Variants in ZNF559 observed in about 807,000 individuals in gnomAD.
ZNF559 encodes the protein zinc finger protein 559.
Under a neutral mutation model 14.2 loss-of-function variants are expected in ZNF559, and 17 were observed. The observed-to-expected ratio is 1.20, with a 90% confidence interval of 0.82 to 1.80. The LOEUF is 1.80. Ranked by LOEUF, ZNF559 falls within the 40% of genes most tolerant of loss-of-function variation. ZNF559 has a pLI of 0.00. For missense variants in ZNF559, 740 were observed against 629.7 expected (o/e 1.18, Z -1.88); for synonymous variants, 244 against 212.4 (o/e 1.15, Z -1.29).
Position 9,343,551 on chromosome 19 carries a change from A to C in ZNF559, c.*483A>C. Reference sequence around the variant, plus strand: ...TGATCTCACAAGTGTGAAAAATCTTATGAATGTAAAATGTGTGGAGATTCT... The same window carrying C: ...TGATCTCACAAGTGTGAAAAATCTTCTGAATGTAAAATGTGTGGAGATTCT... On this transcript the variant is annotated 3_prime_UTR_variant, in exon 7 of 7. Transcript: ENST00000603380. 2.0e-6 allele frequency: 2 copies of C among 992,422 alleles called. No homozygotes were observed. The highest frequency in any genetic ancestry group is 2.4e-6 in the Non-Finnish European group (2 of 833,440). The allele number at this position is 992,422 out of a possible 1,614,324, so 61.5% of individuals were successfully genotyped here. A position where few individuals can be genotyped will look rare whatever the true frequency, so the allele number is the denominator to read the frequency against.
intron 2 of ZNF559, among the ~76,000 whole-genome samples, chr19:9,334,122 T>C (rs2067094965): frequency 6.6e-6 from 1 of 152,220 alleles, no homozygotes; most frequent in South Asian, 2.1e-4. Context: ...AATGCGACCA[T>C]ATAACATCAT....
chr19:9,341,514 C>T, intron 6 of ZNF559, 181 bp from the exon 7 acceptor site: 1 of 1,137,240 alleles, frequency 8.8e-7, no homozygotes, highest in Non-Finnish European at 1.3e-6. Flanking sequence ...CCTGCAGTCA[C>T]TTTGTTCCAC....
intron 2 of ZNF559, among the ~76,000 whole-genome samples, chr19:9,329,840 T>A (rs534032343): frequency 6.6e-6 from 1 of 152,264 alleles, no homozygotes; most frequent in African/African-American, 2.4e-5. Flanking sequence ...ATTTTTGTAT[T>A]TTTAGTAGAA....
In ZNF559 at chr19:9,324,785, G is replaced by A. The variant is rs749345290; in HGVS notation, c.-120+5G>A. 21 of 1,535,334 alleles carry A rather than the reference G, an allele frequency of 1.4e-5. No individual in the cohort carries two copies. Among genetic ancestry groups the A allele is most frequent in the Non-Finnish European group, 1.7e-5 (20 of 1,146,408 alleles). ...TGACAATTCTGTCGTGTCCCGGTGA[G>A]CACTTCATGCACTTGTTCTGGCTGT... is the stretch of plus-strand genomic sequence containing the variant. On this transcript the variant is annotated splice_donor_5th_base_variant and intron_variant, in intron 2 of 6. Coordinates refer to ENST00000603380, the MANE Select transcript of ZNF559 (RefSeq NM_032497.3).
intron 2 of ZNF559, among the ~76,000 whole-genome samples, chr19:9,330,426 C>T (rs1034806607): frequency 2.0e-5 from 3 of 152,012 alleles, no homozygotes; most frequent in Admixed American, 6.6e-5. Context: ...CTCTCTGCTC[C>T]CTCTGTAACT....
chr19:9,335,732 A>G (rs959331433), intron 2 of ZNF559, among the ~76,000 whole-genome samples: 2 of 152,088 alleles, frequency 1.3e-5, no homozygotes, highest in Admixed American at 6.6e-5. Flanking sequence ...ACGGGGTTTT[A>G]CCATGTTGCC....
At position 9,341,964 on chromosome 19, in the gene ZNF559, A is replaced by C; in HGVS notation, c.513A>C (p.Leu171=). 1 of 1,613,794 alleles carries C rather than the reference A, an allele frequency of 6.2e-7. No homozygotes were observed. The highest frequency in any genetic ancestry group is 8.5e-7 in the Non-Finnish European group (1 of 1,179,916). The change falls in exon 7 of 7, where the codon CTA becomes CTC. Residue 171 remains leucine, a synonymous_variant. Transcript: ENST00000603380. ...TTTGCAAGAAAACTAGCCAAAATCT[A>C]CATCTTGTTTGCAAGAAAACTCACA... ...HLVCKKTSQN[L]HLVCKKTHTQ... is the part of the protein sequence containing the mutation.
chr19:9,335,009 G>A (rs1192900276), intron 2 of ZNF559, among the ~76,000 whole-genome samples: 3 of 152,022 alleles, frequency 2.0e-5, no homozygotes, highest in South Asian at 2.1e-4. Flanking sequence ...GGTGGTGGGC[G>A]CCTGTAGTCC....
rs780052397 is a variant in ZNF559 at position 9,339,305 on chromosome 19, A to G, written c.146A>G (p.Asn49Ser). ...YRDVMLENYK[N>S]LVAVDWESHI... ...GATGTGATGCTGGAGAACTATAAGA[A>G]TCTAGTTGCAGTAGGTAAGGCTGGT... The change falls in exon 5 of 7, where the codon AAT (asparagine) becomes AGT (serine). Residue 49 changes from asparagine to serine, a missense_variant. Transcript: ENST00000603380. 1 of 1,612,992 alleles carries G rather than the reference A, an allele frequency of 6.2e-7. No homozygotes were observed. The highest frequency in any genetic ancestry group is 2.2e-5 in the East Asian group (1 of 44,838).
At position 9,338,101 on chromosome 19, in the gene ZNF559, A is replaced by T. The variant is rs1309396442; in HGVS notation, c.-57+243A>T. Reference sequence around the variant, plus strand: ...TCTTGTGATTAGGGTTTAGGGTCTAAGTGGCCCTGCTTTTGAGATACCTAG... The same window carrying T: ...TCTTGTGATTAGGGTTTAGGGTCTATGTGGCCCTGCTTTTGAGATACCTAG... On this transcript the variant is annotated intron_variant, in intron 3 of 6. Coordinates refer to ENST00000603380, the MANE Select transcript of ZNF559 (RefSeq NM_032497.3). 1.4e-5 allele frequency: 17 copies of T among 1,240,158 alleles called. No homozygotes were observed. In the East Asian group the frequency reaches 4.3e-4, roughly 31 times the overall value. 76.8% of individuals were successfully genotyped at this position (1,240,158 alleles called of 1,614,324 possible). A position where few individuals can be genotyped will look rare whatever the true frequency, so the allele number is the denominator to read the frequency against.
chr19:9,344,288 AACTT>A lies in ZNF559; in HGVS notation c.*1222_*1225del, dbSNP rs1027875402. The A allele has an allele frequency of 6.6e-6, 1 of 152,076 alleles. No individual in the cohort carries two copies. Among genetic ancestry groups the A allele is most frequent in the African/African-American group, 2.4e-5 (1 of 41,410 alleles). The allele number at this position is 152,076 out of a possible 1,614,324, so 9.4% of individuals were successfully genotyped here. The stretch of plus-strand genomic sequence containing the variant: ...ATCCTCAGAGGGTTTTTTAATGAAA[AACTT>A]AGTTATAGGGAATTGAGGAACATTT... On this transcript the variant is annotated 3_prime_UTR_variant, in exon 7 of 7. Coordinates refer to ENST00000603380, the MANE Select transcript of ZNF559 (RefSeq NM_032497.3).
chr19:9,324,919 T>C (rs1176905307), intron 2 of ZNF559, 139 bp downstream of exon 2: 1 of 696,280 alleles, frequency 1.4e-6, no homozygotes, highest in Non-Finnish European at 2.4e-6. Context: ...AGTGGATGAA[T>C]GCACATAACT....
chr19:9,338,699 T>A (rs2067374285), intron 4 of ZNF559, 117 bp downstream of exon 4: 1 of 746,214 alleles, frequency 1.3e-6, no homozygotes, highest in South Asian at 1.7e-5. Flanking sequence ...AGGGACCACA[T>A]CTCTCATCAA....
rs929229046 is a variant in ZNF559, at chr19:9,335,319, C to G, written c.-119-2477C>G. The stretch of plus-strand genomic sequence containing the variant: ...CTCTGCCAAAAAAATTTTTAATTGG[C>G]CGGGTGTGGTGGTGGCTTTTGCCTG... On this transcript the variant is annotated intron_variant, in intron 2 of 6. Coordinates refer to ENST00000603380, the MANE Select transcript of ZNF559 (RefSeq NM_032497.3). Among the ~76,000 whole-genome samples, 4 of 151,742 alleles carry G rather than the reference C, an allele frequency of 2.6e-5. No homozygotes were observed. The East Asian group carries it at 7.8e-4, about 29-fold the overall frequency.
intron 2 of ZNF559, chr19:9,333,223 G>A (rs2067031740): frequency 6.6e-6 from 1 of 152,156 alleles, no homozygotes; most frequent in South Asian, 2.1e-4. Flanking sequence ...GCATGCCAAA[G>A]TGCTAGGATT....
Position 9,341,803 on chromosome 19 carries a change from A to C in ZNF559, c.352A>C (p.Thr118Pro). Residue 118 changes from threonine (T) to proline (P), a missense_variant, in exon 7 of 7, where the codon ACC becomes CCC. Transcript: ENST00000603380. ...THRRTYFRKK[T>P]CECNQCEKAF... ...CAGGAGAACTTACTTTAGAAAGAAA[A>C]CCTGTGAGTGTAATCAATGTGAAAA... The C allele has an allele frequency of 6.2e-7, 1 of 1,609,104 alleles. No homozygotes were observed. The highest frequency in any genetic ancestry group is 2.2e-5 in the East Asian group (1 of 44,826).
Position 9,329,244 on chromosome 19 carries a change from G to A in ZNF559, c.-120+4464G>A, listed in dbSNP as rs577294142. ...TTTCTTTTATATTTATATACAATAT[G>A]ATTGATTTTTGTAGTTAGTCTTTGT... On this transcript the variant is annotated intron_variant, in intron 2 of 6. Transcript: ENST00000603380. Among the ~76,000 whole-genome samples the A allele has an allele frequency of 4.4e-4, 67 of 152,184 alleles. No individual in the cohort carries two copies. In the South Asian group the frequency reaches 0.014, roughly 31 times the overall value.
chr19:9,335,135 CAAAAAA>C (rs59300029), intron 2 of ZNF559, among the ~76,000 whole-genome samples: 2 of 124,598 alleles, frequency 1.6e-5, no homozygotes, highest in Admixed American at 1.6e-4. Flanking sequence ...GACTCTGTCT[CAAAAAA>C]AAAAAAAAAA....
chr19:9,324,134 G>A (rs1259685432), upstream of ZNF559: 11 of 1,533,874 alleles, frequency 7.2e-6, no homozygotes, highest in Non-Finnish European at 9.6e-6. Flanking sequence ...CCGCCCCCTA[G>A]GTGGTCCTAG....
Sources: gnomAD v4.1 joint callset for allele counts (sites outside exome capture counted in the v4.1 genomes callset) on GRCh38, gnomAD v4.1.1 for gene constraint, MANE v1.5 for transcripts, NCBI Gene and HGNC (gene_info 2026-07-23, HGNC 2026-07-21) for gene names.